THADA: variants seen among roughly 807,000 people sequenced by gnomAD.
THADA encodes THADA armadillo repeat containing, also known as tRNA (32-2'-O)-methyltransferase regulator THADA.
In THADA, 213 loss-of-function variants were observed where a neutral mutation model predicts 219.8. The observed-to-expected ratio is 0.97, with a 90% confidence interval of 0.87 to 1.09. The LOEUF (loss-of-function observed/expected upper bound fraction) is 1.09. Among genes scored for constraint, THADA ranks in the 50% least tolerant of loss-of-function variants. The probability of loss-of-function intolerance (pLI) is 0.00; values close to 1 mark genes in which losing one functional copy is unlikely to be tolerated. For synonymous variants in THADA, 1,018 were observed against 828.9 expected, an observed-to-expected ratio of 1.23 and a Z score of -3.92; for missense variants, 2,956 against 2,311.3, an observed-to-expected ratio of 1.28 and a Z score of -5.72.
Position 43,439,106 on chromosome 2 carries a change from G to A in THADA, c.3837-8804C>T, listed in dbSNP as rs77680706. ...TTTTGAACCACTGGTGACCAGTAAC[G>A]AAATCACAGAAAGCGAAACCATAGA... is the stretch of plus-strand genomic sequence containing the variant. On this transcript the variant is annotated intron_variant, in intron 26 of 37. Transcript: ENST00000405975. Among the ~76,000 whole-genome samples, 342 of 152,240 alleles carry A rather than the reference G, an allele frequency of 2.2e-3. 7 individuals are homozygous for A. In the East Asian group the frequency reaches 0.059, roughly 26 times the overall value.
At chr2:43,552,394 T>C (rs1282773846) in intron 17 of THADA, 55 bp from the exon 18 acceptor site, 6 of 1,534,796 alleles carry the variant, frequency 3.9e-6, no homozygotes, top group East Asian at 2.3e-5. Context: ...CATTTGTAAA[T>C]GTACGAACAG....
At chr2:43,284,417 G>C (rs1156861317) in intron 35 of THADA, among the ~76,000 whole-genome samples, 1 of 152,178 alleles carries the variant, frequency 6.6e-6, no homozygotes, top group Non-Finnish European at 1.5e-5. Context: ...TACAGCTCGG[G>C]CCATTGCTTC....
chr2:43,594,872 A>T (rs1051838882), intron 1 of THADA, among the ~76,000 whole-genome samples: 12 of 152,262 alleles, frequency 7.9e-5, no homozygotes, highest in African/African-American at 2.6e-4. Flanking sequence ...TGACCACTCT[A>T]TCTAAAATCT....
At chr2:43,360,419 T>A (rs1461557575) in intron 29 of THADA, among the ~76,000 whole-genome samples, 1 of 152,216 alleles carries the variant, frequency 6.6e-6, no homozygotes, top group Admixed American at 6.5e-5. Flanking sequence ...TGGTTTGGCA[T>A]ACAAAGTAAG....
intron 8 of THADA, among the ~76,000 whole-genome samples, chr2:43,580,861 CAA>C (rs1404252987): frequency 6.7e-6 from 1 of 150,354 alleles, no homozygotes; most frequent in East Asian, 2.0e-4. Flanking sequence ...GTGTGGGCGA[CAA>C]AGAGAGACTC....
chr2:43,543,551 T>C lies in THADA; in HGVS notation c.3107-2235A>G, dbSNP rs1377102026. Among the ~76,000 whole-genome samples, 7 of 151,834 alleles carry C rather than the reference T, an allele frequency of 4.6e-5. No individual in the cohort carries two copies. In the East Asian group the frequency reaches 7.8e-4, roughly 17 times the overall value. On this transcript the variant is annotated intron_variant, in intron 20 of 37. Transcript: ENST00000405975. ...TCCAGCACCTGTTGTTTCCTGACTT[T>C]TTAATGATTGCCATTCTACCTGGTG...
At chr2:43,287,382 C>T (rs1485117884) in intron 34 of THADA, among the ~76,000 whole-genome samples, 1 of 152,080 alleles carries the variant, frequency 6.6e-6, no homozygotes, top group East Asian at 1.9e-4. Context: ...GCAACCTCTG[C>T]CTCCTGGGTT....
At position 43,556,583 on chromosome 2, in the gene THADA, G is replaced by A. The variant is rs1364381416; in HGVS notation, c.2464-28C>T. 4.4e-6 allele frequency: 7 copies of A among 1,586,138 alleles called. No homozygotes were observed. The African/African-American group carries it at 8.2e-5, about 18-fold the overall frequency. Reference sequence around the variant, plus strand: ...AGAATAAAGCGCAGACTCAGTAACTGTCAAATTAAAGATCTCTTTAATTTA... The same window carrying A: ...AGAATAAAGCGCAGACTCAGTAACTATCAAATTAAAGATCTCTTTAATTTA... On this transcript the variant is annotated intron_variant, in intron 16 of 37. Transcript: ENST00000405975.
Position 43,560,356 on chromosome 2 carries a change from G to C in THADA, c.2341C>G (p.His781Asp). 2 of 1,610,120 alleles carry C rather than the reference G, an allele frequency of 1.2e-6. No homozygotes were observed. Among genetic ancestry groups the C allele is most frequent in the South Asian group, 1.1e-5 (1 of 90,448 alleles). ...TGGAAACGACCAACATCAATATCAT[G>C]ACTCAGCTGATATACTGTATAAATT... ...GRIYTVYQLS[H>D]DIDVGRFQTL... Residue 781 changes from histidine to aspartate, a missense_variant, in exon 16 of 38, where the codon CAT becomes GAT. Transcript: ENST00000405975.
intron 26 of THADA, among the ~76,000 whole-genome samples, chr2:43,472,817 T>C (rs1413673359): frequency 1.3e-5 from 2 of 152,298 alleles, no homozygotes; most frequent in Admixed American, 1.3e-4. Flanking sequence ...CTGTACAACA[T>C]GTTATTGTAC....
intron 36 of THADA, among the ~76,000 whole-genome samples, chr2:43,237,630 A>T (rs1223514912): frequency 2.6e-5 from 4 of 151,196 alleles, no homozygotes; most frequent in Non-Finnish European, 5.9e-5. Context: ...TGAACTCCTG[A>T]CCTCGTGATC....
chr2:43,276,191 C>T (rs933804297), intron 36 of THADA, among the ~76,000 whole-genome samples: 2 of 152,154 alleles, frequency 1.3e-5, no homozygotes, highest in Non-Finnish European at 2.9e-5. Context: ...TCTTCCATTC[C>T]CTTCTGCAGG....
Position 43,556,479 on chromosome 2 carries a change from G to C in THADA, c.2540C>G (p.Thr847Arg). The change falls in exon 17 of 38, where the codon ACA becomes AGA. Residue 847 changes from threonine (T) to arginine (R), a missense_variant. By Grantham distance (71) the Thr-to-Arg change is moderately conservative (BLOSUM62 -1). Coordinates refer to ENST00000405975, the MANE Select transcript of THADA (RefSeq NM_022065.5). ...TAAGAAGTTCAGCAGGTAGGAAGCT[G>C]TCACACAGTCGTATGGTTTGGTGCT... The part of the protein sequence containing the change: ...STSTKPYDCV[T>R]ASYLLNFLIW... The C allele has an allele frequency of 6.2e-7, 1 of 1,613,932 alleles. No individual in the cohort carries two copies. Among genetic ancestry groups the C allele is most frequent in the Non-Finnish European group, 8.5e-7 (1 of 1,179,856 alleles).
intron 28 of THADA, among the ~76,000 whole-genome samples, chr2:43,413,659 G>T (rs1370053240): frequency 6.6e-6 from 1 of 152,122 alleles, no homozygotes; most frequent in Non-Finnish European, 1.5e-5. Flanking sequence ...TGGCTATCAT[G>T]GTTCAGAGTC....
chr2:43,267,756 C>G (rs920224990), intron 36 of THADA, among the ~76,000 whole-genome samples: 1 of 151,982 alleles, frequency 6.6e-6, no homozygotes, highest in Non-Finnish European at 1.5e-5. Context: ...GTGTGCGCCC[C>G]TAATCATACG....
rs538464988 is a variant in THADA, at chr2:43,505,706, G to T, written c.3537C>A (p.Gly1179=). The part of the protein sequence containing the change: ...QALLASEPKK[G]RMDLLKITMK... Reference sequence around the variant, plus strand: ...TTGTTATTTTCAACAAATCCATTCTGCCTTTCTTTGGTTCAGATGCCAACA... The same window carrying T: ...TTGTTATTTTCAACAAATCCATTCTTCCTTTCTTTGGTTCAGATGCCAACA... Residue 1179 remains glycine, a synonymous_variant, in exon 24 of 38, where the codon GGC becomes GGA. Transcript: ENST00000405975. 26 of 1,587,912 alleles carry T rather than the reference G, an allele frequency of 1.6e-5. No homozygotes were observed. In the African/African-American group the frequency reaches 3.2e-4, roughly 20 times the overall value.
At chr2:43,482,150 G>A (rs543486311) in intron 26 of THADA, among the ~76,000 whole-genome samples, 4 of 152,204 alleles carry the variant, frequency 2.6e-5, no homozygotes, top group African/African-American at 9.6e-5. Flanking sequence ...AGTCAGTCAC[G>A]CAGCAATAAA....
intron 31 of THADA, among the ~76,000 whole-genome samples, chr2:43,304,171 C>T (rs1221658581): frequency 1.3e-5 from 2 of 152,124 alleles, no homozygotes; most frequent in Non-Finnish European, 2.9e-5. Flanking sequence ...TTACGTCACT[C>T]ATCAAGACAG....
chr2:43,499,357 TA>T (rs993346946), intron 24 of THADA, among the ~76,000 whole-genome samples: 1 of 152,004 alleles, frequency 6.6e-6, no homozygotes, highest in Non-Finnish European at 1.5e-5. Context: ...TAAGAAACTT[TA>T]AAAAAAACTT....
Sources: allele counts gnomAD v4.1 joint callset (sites outside exome capture counted in the v4.1 genomes callset), GRCh38; gene constraint gnomAD v4.1.1; transcripts MANE v1.5; gene names NCBI Gene and HGNC (gene_info 2026-07-23, HGNC 2026-07-21).